Variants in TCEA3 observed in about 807,000 individuals in gnomAD.
TCEA3 encodes the protein transcription elongation factor A3, also known as transcription elongation factor A protein 3.
A neutral mutation model predicts 44.0 loss-of-function variants in TCEA3; 36 were observed. The observed-to-expected ratio is 0.82, with a 90% CI of 0.63 to 1.08. TCEA3 has a LOEUF of 1.08. Ranked by LOEUF, TCEA3 falls within the 50% of genes least tolerant of loss-of-function variation. TCEA3 has a pLI of 0.00. For synonymous variants in TCEA3, 162 were observed against 159.7 expected (o/e 1.01, Z -0.11); for missense variants, 392 against 441.2 (o/e 0.89, Z 1.00).
rs768306558 is a variant in TCEA3 at position 23,418,024 on chromosome 1, G to T, written c.133-15C>A. ...ATCCTGGTTGTCTGCAAAGTGAGAG[G>T]GTTAAGGCATAATCTGGGAATGGAT... is the stretch of plus-strand genomic sequence containing the variant. On this transcript the variant is annotated splice_polypyrimidine_tract_variant and intron_variant, in intron 2 of 10. Coordinates refer to ENST00000450454, the MANE Select transcript of TCEA3 (RefSeq NM_003196.3). The T allele has an allele frequency of 6.2e-7, 1 of 1,612,854 alleles. No individual in the cohort carries two copies.
intron 8 of TCEA3, among the ~76,000 whole-genome samples, chr1:23,392,475 C>CACTCCATACAT (rs796674857): frequency 8.4e-5 from 1 of 11,848 alleles, no homozygotes; most frequent in African/African-American, 3.8e-4. Flanking sequence ...ATCATACACA[C>CACTCCATACAT]CACACACTCC....
rs774085043 is a variant in TCEA3 at position 23,384,297 on chromosome 1, G to A, written c.1038+49C>T. 1.1e-5 allele frequency: 18 copies of A among 1,613,398 alleles called. No individual in the cohort carries two copies. In the East Asian group the frequency reaches 4.0e-4, roughly 36 times the overall value. On this transcript the variant is annotated intron_variant, in intron 10 of 10. Coordinates refer to ENST00000450454, the MANE Select transcript of TCEA3 (RefSeq NM_003196.3). ...TGTGGGTACACTACGCCTTATGCGG[G>A]CGAGGTATGTGGATAACAGGGAAGG...
At chr1:23,397,452 C>A in intron 7 of TCEA3, 93 bp downstream of exon 7, 1 of 1,195,798 alleles carries the variant, frequency 8.4e-7, no homozygotes, top group Non-Finnish European at 1.2e-6. Context: ...GGAGCCCTTC[C>A]TCTCCTTCCT....
At chr1:23,393,385 C>T (rs544003026) in intron 8 of TCEA3, among the ~76,000 whole-genome samples, 15 of 151,930 alleles carry the variant, frequency 9.9e-5, no homozygotes, top group Admixed American at 3.3e-4. Flanking sequence ...ACATACATAC[C>T]ACACATGCAC....
At chr1:23,401,801 G>T (rs899494335) in intron 5 of TCEA3, among the ~76,000 whole-genome samples, 3 of 152,146 alleles carry the variant, frequency 2.0e-5, no homozygotes, top group African/African-American at 7.2e-5. Context: ...CCAGTCTGTG[G>T]CCTGTTAGGA....
At position 23,397,563 on chromosome 1, in the gene TCEA3, C is replaced by T; in HGVS notation, c.646G>A (p.Ala216Thr). ...KDYGVNCDKM[A>T]SEIEDHIYQE... ...AGGATATGATCTTCGATTTCTGATGCCATCTTGTCACAGTTGACTCCATAG... is the reference window on the plus strand; with the variant it reads ...AGGATATGATCTTCGATTTCTGATGTCATCTTGTCACAGTTGACTCCATAG... The change falls in exon 7 of 11, where the codon GCA becomes ACA. Residue 216 changes from alanine (A) to threonine (T), a missense_variant. Transcript: ENST00000450454. 6.2e-7 allele frequency: 1 copy of T among 1,613,838 alleles called. No homozygotes were observed. The highest frequency in any genetic ancestry group is 8.5e-7 in the Non-Finnish European group (1 of 1,179,860).
At chr1:23,383,944 T>G in intron 10 of TCEA3, 1 of 1,037,540 alleles carries the variant, frequency 9.6e-7, no homozygotes, top group Non-Finnish European at 1.2e-6. Flanking sequence ...GCCTTCCTGT[T>G]TCCCATCCTT....
At chr1:23,422,067 T>A (rs1640081141) in intron 1 of TCEA3, among the ~76,000 whole-genome samples, 1 of 152,250 alleles carries the variant, frequency 6.6e-6, no homozygotes, top group Non-Finnish European at 1.5e-5. Context: ...CAGCTGTGAA[T>A]ATGCAGCTCC....
chr1:23,387,051 C>T (rs763117912), intron 9 of TCEA3, among the ~76,000 whole-genome samples: 1 of 152,202 alleles, frequency 6.6e-6, no homozygotes, highest in African/African-American at 2.4e-5. Flanking sequence ...TGGGGTTTCA[C>T]TGTGTTGGCC....
chr1:23,389,580 G>A (rs1031734943), intron 8 of TCEA3, among the ~76,000 whole-genome samples: 24 of 152,120 alleles, frequency 1.6e-4, no homozygotes, highest in African/African-American at 5.6e-4. Context: ...AACCTGGGAG[G>A]TGGAGGGTGC....
At chr1:23,405,816 C>T (rs764689876) in intron 5 of TCEA3, among the ~76,000 whole-genome samples, 3 of 152,092 alleles carry the variant, frequency 2.0e-5, no homozygotes, top group African/African-American at 4.8e-5. Flanking sequence ...ACATGAATGT[C>T]GAGTGTTTTG....
In TCEA3 at chr1:23,387,372, C is replaced by G; in HGVS notation, c.867G>C (p.Gln289His). The G allele has an allele frequency of 6.2e-7, 1 of 1,612,210 alleles. No homozygotes were observed. Among genetic ancestry groups the G allele is most frequent in the Non-Finnish European group, 8.5e-7 (1 of 1,179,192 alleles). The change falls in exon 9 of 11, where the codon CAG becomes CAC. Residue 289 changes from glutamine (Q) to histidine (H), a missense_variant. Coordinates refer to ENST00000450454, the MANE Select transcript of TCEA3 (RefSeq NM_003196.3). ...CCATCTGGTGCTCACGGATGGCCTCCTGGGTCATGGCATTCCTCAACTCCC... is the reference window on the plus strand; with the variant it reads ...CCATCTGGTGCTCACGGATGGCCTCGTGGGTCATGGCATTCCTCAACTCCC... ...ELRELRNAMT[Q>H]EAIREHQMAK...
At chr1:23,409,884 C>T (rs1408688255) in intron 4 of TCEA3, among the ~76,000 whole-genome samples, 5 of 151,984 alleles carry the variant, frequency 3.3e-5, no homozygotes, top group African/African-American at 7.2e-5. Context: ...ATTTATTGTC[C>T]GACACCCCAT....
intron 9 of TCEA3, 33 bp from the exon 10 acceptor site, chr1:23,384,450 TC>T (rs746698177): frequency 6.2e-7 from 1 of 1,606,628 alleles, no homozygotes; most frequent in African/African-American, 1.3e-5. Flanking sequence ...ATGAAGTCAC[TC>T]CCCTGTTCTA....
intron 8 of TCEA3, 122 bp from the exon 9 acceptor site, chr1:23,387,541 G>A (rs1638886581): frequency 1.6e-6 from 2 of 1,220,976 alleles, no homozygotes; most frequent in Non-Finnish European, 2.2e-6. Context: ...CAAGGAGCTG[G>A]AAGGAGGCCT....
At chr1:23,384,845 A>G (rs1387100338) in intron 9 of TCEA3, among the ~76,000 whole-genome samples, 5 of 148,698 alleles carry the variant, frequency 3.4e-5, no homozygotes, top group Admixed American at 2.7e-4. Flanking sequence ...TTGGACTTTC[A>G]CTCTTGTTGG....
intron 7 of TCEA3, among the ~76,000 whole-genome samples, chr1:23,396,536 A>G (rs112420129): frequency 6.3e-4 from 96 of 152,216 alleles, no homozygotes; most frequent in Middle Eastern, 3.4e-3. Context: ...GATTCAATAC[A>G]TGGAATCCAA....
chr1:23,383,508 G>T, intron 10 of TCEA3: 1 of 927,706 alleles, frequency 1.1e-6, no homozygotes, highest in Non-Finnish European at 1.3e-6. Flanking sequence ...AAACCTGGGA[G>T]AAAGGCATTA....
In TCEA3 at chr1:23,408,767, A is replaced by G. The variant is rs181273879; in HGVS notation, c.381-41T>C. 4.3e-5 allele frequency: 67 copies of G among 1,546,146 alleles called. No individual in the cohort carries two copies. In the Admixed American group the frequency reaches 8.7e-4, roughly 20 times the overall value. ...TGGCAAGGAGACTGCTTTGTAGACTAGCATCAGTACTGACAGGAAGGTGGG... is the reference window on the plus strand; with the variant it reads ...TGGCAAGGAGACTGCTTTGTAGACTGGCATCAGTACTGACAGGAAGGTGGG... On this transcript the variant is annotated intron_variant, in intron 4 of 10. Coordinates refer to ENST00000450454, the MANE Select transcript of TCEA3 (RefSeq NM_003196.3).
Sources: allele counts gnomAD v4.1 joint callset (sites outside exome capture counted in the v4.1 genomes callset), GRCh38; gene constraint gnomAD v4.1.1; transcripts MANE v1.5; gene names NCBI Gene and HGNC (gene_info 2026-07-23, HGNC 2026-07-21).